Variants in SOBP observed in about 807,000 individuals in gnomAD.
SOBP encodes the protein sine oculis-binding protein homolog.
Under a neutral mutation model 53.6 loss-of-function variants are expected in SOBP, and 4 were observed. That is an observed-to-expected ratio of 0.07 (90% CI 0.04 to 0.17). The LOEUF (loss-of-function observed/expected upper bound fraction) is 0.17, where lower values mean the gene tolerates loss of function less well. Ranked by LOEUF, SOBP falls within the 10% of genes least tolerant of loss-of-function variation. SOBP has a pLI of 1.00. For synonymous variants in SOBP, 584 were observed against 522.6 expected (o/e 1.12, Z -1.60); for missense variants, 1,088 against 1,204.7 (o/e 0.90, Z 1.43).
chr6:107,508,206 T>C (rs778207741), intron 3 of SOBP, among the ~76,000 whole-genome samples: 15 of 152,344 alleles, frequency 9.8e-5, no homozygotes, highest in Non-Finnish European at 1.9e-4. Flanking sequence ...GTTATAGATA[T>C]ACTTACACTG....
At chr6:107,530,150 C>T (rs1376678517) in intron 3 of SOBP, among the ~76,000 whole-genome samples, 1 of 152,058 alleles carries the variant, frequency 6.6e-6, no homozygotes, top group African/African-American at 2.4e-5. Flanking sequence ...ATGGCACAGA[C>T]CGTTAGCCAA....
rs1583182482 is a variant in SOBP at position 107,533,667 on chromosome 6, A to C, written c.573+57A>C. On this transcript the variant is annotated intron_variant, in intron 4 of 6. Transcript: ENST00000317357. Reference sequence around the variant, plus strand: ...ACAGGCCTCACCAGCCCACACGCGCATGTGCCTCATAGCTTCTAGCGGAAA... The same window carrying C: ...ACAGGCCTCACCAGCCCACACGCGCCTGTGCCTCATAGCTTCTAGCGGAAA... 2.5e-6 allele frequency: 4 copies of C among 1,606,880 alleles called. No individual in the cohort carries two copies. The South Asian group carries it at 4.4e-5, about 18-fold the overall frequency.
Position 107,634,907 on chromosome 6 carries a change from G to A in SOBP, c.2063G>A (p.Arg688Lys). The change falls in exon 6 of 7, where the codon AGG becomes AAG. Residue 688 changes from arginine (R) to lysine (K), a missense_variant. Coordinates refer to ENST00000317357, the MANE Select transcript of SOBP (RefSeq NM_018013.4). This position sits in a 1 kb window ranked among gnomAD's most constrained non-coding sequence, Gnocchi z 4.5. ...AEREPSAAER[R>K]TCGGCRDGHC... is the part of the protein sequence containing the mutation. ...CGCGAGCCGAGCGCCGCGGAGCGCA[G>A]GACCTGCGGCGGCTGCAGGGACGGC... 2.4e-6 allele frequency: 3 copies of A among 1,250,168 alleles called. No homozygotes were observed. Among genetic ancestry groups the A allele is most frequent in the Non-Finnish European group, 3.0e-6 (3 of 988,468 alleles). The allele number at this position is 1,250,168 out of a possible 1,614,324, so 77.4% of individuals were successfully genotyped here. A position where few individuals can be genotyped will look rare whatever the true frequency, so the allele number is the denominator to read the frequency against.
In SOBP at chr6:107,634,889, C is replaced by G. The variant is rs1472224537; in HGVS notation, c.2045C>G (p.Pro682Arg). The change falls in exon 6 of 7, where the codon CCG becomes CGG. Residue 682 changes from proline (P) to arginine (R), a missense_variant. This residue lies in a region of SOBP where 665 missense variants were observed against 629.7 expected (regional missense o/e 1.06). Transcript: ENST00000317357. The surrounding 1 kb of genome is among the most constrained non-coding windows in gnomAD (Gnocchi z 4.5). ...LHAHVKAEREPSAAERRTCGG... is the reference protein window; with the variant it reads ...LHAHVKAERERSAAERRTCGG... ...GCGCACGTCAAGGCGGAGCGCGAGCCGAGCGCCGCGGAGCGCAGGACCTGC... is the reference window on the plus strand; with the variant it reads ...GCGCACGTCAAGGCGGAGCGCGAGCGGAGCGCCGCGGAGCGCAGGACCTGC... The G allele has an allele frequency of 1.5e-6, 2 of 1,321,432 alleles. No individual in the cohort carries two copies. Among genetic ancestry groups the G allele is most frequent in the Admixed American group, 5.4e-5 (2 of 37,248 alleles). The allele number at this position is 1,321,432 out of a possible 1,614,324, so 81.9% of individuals were successfully genotyped here.
intron 4 of SOBP, among the ~76,000 whole-genome samples, chr6:107,558,462 G>A (rs1244749389): frequency 6.6e-6 from 1 of 151,896 alleles, no homozygotes; most frequent in Non-Finnish European, 1.5e-5. Context: ...AGAGACGGGG[G>A]TTTCACCATG....
chr6:107,508,571 TC>T (rs1258067661), intron 3 of SOBP, among the ~76,000 whole-genome samples: 1 of 150,334 alleles, frequency 6.7e-6, no homozygotes, highest in Non-Finnish European at 1.5e-5. Flanking sequence ...AGAGTGAGAC[TC>T]CGTCTCAAAA....
At chr6:107,574,217 A>G (rs1199043063) in intron 4 of SOBP, among the ~76,000 whole-genome samples, 1 of 152,212 alleles carries the variant, frequency 6.6e-6, no homozygotes, top group Non-Finnish European at 1.5e-5. Flanking sequence ...TTTCTTTGTT[A>G]TACTAGGATA....
intron 4 of SOBP, among the ~76,000 whole-genome samples, chr6:107,569,078 A>G (rs1452140297): frequency 6.6e-6 from 1 of 152,208 alleles, no homozygotes; most frequent in African/African-American, 2.4e-5. Flanking sequence ...GAGTGGGAAA[A>G]GAAGAAAGGT....
chr6:107,629,559 A>G (rs1449772797), intron 5 of SOBP, among the ~76,000 whole-genome samples: 1 of 152,254 alleles, frequency 6.6e-6, no homozygotes, highest in African/African-American at 2.4e-5. Context: ...TCAGTTGCCA[A>G]CATGAATAGC....
Position 107,533,271 on chromosome 6 carries a change from C to CAAAA in SOBP, c.422-166_422-163dup, listed in dbSNP as rs762864049. Among the ~76,000 whole-genome samples, 71 of 32,750 alleles carry CAAAA rather than the reference C, an allele frequency of 2.2e-3. 3 individuals carry two copies. Among genetic ancestry groups the CAAAA allele is most frequent in the East Asian group, 3.2e-3 (4 of 1,244 alleles). The allele number at this position is 32,750 out of a possible 152,430, so 21.5% of individuals were successfully genotyped here. ...AAATGTCTTTTGGAAACTTAGGAGC[C>CAAAA]AAAAAAAAAAAAAAAAAAAAAAAAA... On this transcript the variant is annotated intron_variant, in intron 3 of 6. Coordinates refer to ENST00000317357, the MANE Select transcript of SOBP (RefSeq NM_018013.4).
rs1304380250 is a variant in SOBP at position 107,659,150 on chromosome 6, G to T, written c.*947G>T. The T allele has an allele frequency of 6.5e-6, 1 of 152,708 alleles. No individual in the cohort carries two copies. The highest frequency in any genetic ancestry group is 1.9e-4 in the East Asian group (1 of 5,184). The allele number at this position is 152,708 out of a possible 1,614,324, so 9.5% of individuals were successfully genotyped here. A position where few individuals can be genotyped will look rare whatever the true frequency, so the allele number is the denominator to read the frequency against. On this transcript the variant is annotated 3_prime_UTR_variant, in exon 7 of 7. Transcript: ENST00000317357. ...GAAATTTCAACCCTGATGGTTTTCG[G>T]TGATCCAGGAAGTCAGTGAGACAAT...
chr6:107,494,061 TTA>T (rs1470890823), intron 1 of SOBP, among the ~76,000 whole-genome samples: 1 of 152,240 alleles, frequency 6.6e-6, no homozygotes, highest in African/African-American at 2.4e-5. Flanking sequence ...ACTATGACCT[TTA>T]CAGTGTTTCT....
At chr6:107,560,276 T>A (rs1784735623) in intron 4 of SOBP, among the ~76,000 whole-genome samples, 1 of 152,070 alleles carries the variant, frequency 6.6e-6, no homozygotes, top group Admixed American at 6.5e-5. Flanking sequence ...CCTGTGTAGA[T>A]CCTGGTAGTA....
At chr6:107,618,417 A>G (rs1443781535) in intron 5 of SOBP, among the ~76,000 whole-genome samples, 6 of 152,182 alleles carry the variant, frequency 3.9e-5, no homozygotes, top group Admixed American at 6.5e-5. Flanking sequence ...CCTTTAGGAC[A>G]TATGTGTCAC....
intron 4 of SOBP, among the ~76,000 whole-genome samples, chr6:107,541,616 C>G (rs950392100): frequency 4.6e-5 from 7 of 152,090 alleles, no homozygotes; most frequent in African/African-American, 1.7e-4. Context: ...TTTTCACTGG[C>G]CTTTTGCCAG....
intron 5 of SOBP, among the ~76,000 whole-genome samples, chr6:107,601,829 C>T (rs939087903): frequency 6.6e-6 from 1 of 152,222 alleles, no homozygotes; most frequent in Non-Finnish European, 1.5e-5. Context: ...TCACTACTGA[C>T]TTAATTGCTT....
At chr6:107,512,950 A>G (rs930647813) in intron 3 of SOBP, among the ~76,000 whole-genome samples, 2 of 152,200 alleles carry the variant, frequency 1.3e-5, no homozygotes, top group African/African-American at 4.8e-5. Context: ...TGAATACTTT[A>G]AAATGAAATG....
chr6:107,526,581 C>T (rs1456430476), intron 3 of SOBP, among the ~76,000 whole-genome samples: 1 of 152,204 alleles, frequency 6.6e-6, no homozygotes, highest in African/African-American at 2.4e-5. Context: ...GTCTGAACCT[C>T]TCTCTTACTG....
At chr6:107,636,704 C>T (rs1771060813) in intron 6 of SOBP, among the ~76,000 whole-genome samples, 1 of 152,234 alleles carries the variant, frequency 6.6e-6, no homozygotes, top group Middle Eastern at 3.4e-3. Context: ...TAAATGATGG[C>T]GTGCCCCCAT....
Sources: allele counts gnomAD v4.1 joint callset (sites outside exome capture counted in the v4.1 genomes callset), GRCh38; gene constraint gnomAD v4.1.1; regional missense constraint gnomAD v4.1.1; non-coding constraint Gnocchi (gnomAD v3.1); transcripts MANE v1.5; gene names NCBI Gene and HGNC (gene_info 2026-07-23, HGNC 2026-07-21).